Variants in ATRNL1 observed in about 807,000 individuals in gnomAD.
ATRNL1 encodes the protein attractin-like protein 1.
ATRNL1 carries 95 observed loss-of-function variants against 182.7 expected under a neutral mutation model. The ratio of observed to expected loss-of-function variants is 0.52; its 90% CI spans 0.44 to 0.62. ATRNL1 has a LOEUF of 0.62. Among genes scored for constraint, ATRNL1 ranks in the 20% least tolerant of loss-of-function variants. ATRNL1 has a pLI of 0.00. For missense variants in ATRNL1, 1,471 were observed against 1,679.5 expected, an observed-to-expected ratio of 0.88 and a Z score of 2.17; for synonymous variants, 576 against 568.3, an observed-to-expected ratio of 1.01 and a Z score of -0.19.
chr10:115,717,545 G>GTTTTTTT (rs1555056622), intron 26 of ATRNL1, among the ~76,000 whole-genome samples: 1 of 65,228 alleles, frequency 1.5e-5, no homozygotes, highest in Non-Finnish European at 3.3e-5. Flanking sequence ...TGCCTGAAAT[G>GTTTTTTT]TTCTTTTTTT....
At chr10:115,187,236 T>G (rs1316517590) in intron 8 of ATRNL1, among the ~76,000 whole-genome samples, 1 of 151,984 alleles carries the variant, frequency 6.6e-6, no homozygotes, top group Non-Finnish European at 1.5e-5. Flanking sequence ...GGACATAGCT[T>G]ACCCACCCCT....
chr10:115,433,319 A>T (rs1438580942), intron 21 of ATRNL1, among the ~76,000 whole-genome samples: 4 of 152,148 alleles, frequency 2.6e-5, no homozygotes, highest in Non-Finnish European at 4.4e-5. Context: ...TAATGGAATT[A>T]TCCTGGTTTT....
intron 26 of ATRNL1, among the ~76,000 whole-genome samples, chr10:115,651,247 G>GCTGAATAA (rs140643337): frequency 0.012 from 1,780 of 150,730 alleles, 36 homozygotes; most frequent in African/African-American, 0.042. Context: ...GAGAACAAGG[G>GCTGAATAA]CTACCTATTG....
intron 27 of ATRNL1, among the ~76,000 whole-genome samples, chr10:115,841,044 A>C (rs1950796779): frequency 6.6e-6 from 1 of 152,158 alleles, no homozygotes; most frequent in Non-Finnish European, 1.5e-5. Context: ...AAACCTAATT[A>C]AGATAATTAT....
intron 10 of ATRNL1, among the ~76,000 whole-genome samples, chr10:115,257,327 A>G (rs1851192733): frequency 1.3e-5 from 2 of 152,170 alleles, no homozygotes; most frequent in Non-Finnish European, 2.9e-5. Flanking sequence ...TTGGGTGCAT[A>G]TATATTTATC....
At chr10:115,861,800 T>A (rs1441020635) in intron 28 of ATRNL1, among the ~76,000 whole-genome samples, 2 of 152,154 alleles carry the variant, frequency 1.3e-5, no homozygotes, top group South Asian at 2.1e-4. Context: ...AACACCATTC[T>A]TTTTCCTTTT....
At chr10:115,621,270 T>G (rs1281983445) in intron 26 of ATRNL1, among the ~76,000 whole-genome samples, 7 of 55,512 alleles carry the variant, frequency 1.3e-4, no homozygotes, top group African/African-American at 1.9e-4. Flanking sequence ...TATATATATA[T>G]ATATATAGAG....
chr10:115,374,582 T>C (rs1857573995), intron 19 of ATRNL1, among the ~76,000 whole-genome samples: 2 of 151,484 alleles, frequency 1.3e-5, no homozygotes, highest in Non-Finnish European at 1.5e-5. Flanking sequence ...TTAGGCTGTT[T>C]ATTTGAGAAC....
chr10:115,779,237 T>C (rs1949204111), intron 27 of ATRNL1, among the ~76,000 whole-genome samples: 1 of 152,182 alleles, frequency 6.6e-6, no homozygotes, highest in African/African-American at 2.4e-5. Context: ...GATTTGGGAA[T>C]GAGTTCAGTT....
chr10:115,160,408 G>A (rs1355259708), intron 6 of ATRNL1, among the ~76,000 whole-genome samples, 194 bp downstream of exon 6: 1 of 151,830 alleles, frequency 6.6e-6, no homozygotes, highest in Non-Finnish European at 1.5e-5. Flanking sequence ...TATGCTTCAT[G>A]TAGAAATGTT....
chr10:115,614,439 G>A (rs527676581), intron 26 of ATRNL1, among the ~76,000 whole-genome samples: 4 of 152,198 alleles, frequency 2.6e-5, no homozygotes, highest in African/African-American at 9.6e-5. Context: ...TTGTTTTGTG[G>A]CCTAACATAT....
chr10:115,239,530 C>T (rs1176203724), intron 9 of ATRNL1, among the ~76,000 whole-genome samples: 2 of 152,050 alleles, frequency 1.3e-5, no homozygotes, highest in Admixed American at 6.6e-5. Context: ...CGCGCCCGGC[C>T]GGGGCTGTAT....
chr10:115,593,107 A>G (rs1378183169), intron 26 of ATRNL1, among the ~76,000 whole-genome samples: 2 of 152,234 alleles, frequency 1.3e-5, no homozygotes, highest in Non-Finnish European at 1.5e-5. Context: ...GCATCATCCC[A>G]TGGCAGAAGG....
Position 115,281,346 on chromosome 10 carries a change from A to C in ATRNL1, c.2101-9A>C. On this transcript the variant is annotated splice_polypyrimidine_tract_variant and intron_variant, in intron 13 of 28. Coordinates refer to ENST00000355044, the MANE Select transcript of ATRNL1 (RefSeq NM_207303.4). Reference sequence around the variant, plus strand: ...AGGTGAAAAATAACATGCTCTTTTAATTTTGTAGTCTGTCAAGAACTACAC... The same window carrying C: ...AGGTGAAAAATAACATGCTCTTTTACTTTTGTAGTCTGTCAAGAACTACAC... 6.2e-7 allele frequency: 1 copy of C among 1,607,416 alleles called. No homozygotes were observed. Among genetic ancestry groups the C allele is most frequent in the South Asian group, 1.1e-5 (1 of 89,674 alleles).
chr10:115,214,057 C>CACACACACACACACAT (rs782193831), intron 8 of ATRNL1, among the ~76,000 whole-genome samples: 2 of 151,164 alleles, frequency 1.3e-5, no homozygotes, highest in Non-Finnish European at 2.9e-5. Flanking sequence ...CACACACACA[C>CACACACACACACACAT]ACACACACAC....
intron 26 of ATRNL1, among the ~76,000 whole-genome samples, chr10:115,589,133 A>G (rs983154010): frequency 2.0e-5 from 3 of 152,198 alleles, no homozygotes; most frequent in Non-Finnish European, 4.4e-5. Flanking sequence ...GATACTGGAA[A>G]GAAGAATAAT....
intron 28 of ATRNL1, among the ~76,000 whole-genome samples, chr10:115,942,978 C>G (rs148677629): frequency 2.6e-5 from 4 of 152,312 alleles, no homozygotes; most frequent in Non-Finnish European, 5.9e-5. Context: ...GTGTTCCTGT[C>G]CATCATTGGA....
intron 25 of ATRNL1, among the ~76,000 whole-genome samples, chr10:115,531,301 C>T (rs1851565791): frequency 6.6e-6 from 1 of 152,026 alleles, no homozygotes; most frequent in South Asian, 2.1e-4. Flanking sequence ...TGTTTCCTGA[C>T]TTTTTAATGG....
At chr10:115,746,358 A>G (rs1948290987) in intron 27 of ATRNL1, among the ~76,000 whole-genome samples, 1 of 152,090 alleles carries the variant, frequency 6.6e-6, no homozygotes. Context: ...TGACCCATTT[A>G]CATGTGGAGT....
Sources: allele counts gnomAD v4.1 joint callset (sites outside exome capture counted in the v4.1 genomes callset), GRCh38; gene constraint gnomAD v4.1.1; transcripts MANE v1.5; gene names NCBI Gene and HGNC (gene_info 2026-07-23, HGNC 2026-07-21).